Variants in PDILT observed in about 807,000 individuals in gnomAD.
PDILT encodes the protein protein disulfide isomerase like, testis expressed.
PDILT carries 43 observed loss-of-function variants against 53.7 expected under a neutral mutation model. That is an observed-to-expected ratio of 0.80 (90% confidence interval 0.63 to 1.03). The LOEUF is 1.03. PDILT is among the 50% of genes least tolerant of loss of function. The pLI is 0.00. For synonymous variants in PDILT, 282 were observed against 274.2 expected, an observed-to-expected ratio of 1.03 and a Z score of -0.28; for missense variants, 727 against 712.3, an observed-to-expected ratio of 1.02 and a Z score of -0.24.
chr16:20,402,290 A>ATCATTTCTTT (rs112422552), intron 1 of PDILT, among the ~76,000 whole-genome samples: 1 of 149,520 alleles, frequency 6.7e-6, no homozygotes, highest in Non-Finnish European at 1.5e-5. Flanking sequence ...AGGAGTGTTG[A>ATCATTTCTTT]TCTTTTCTTT....
At position 20,384,700 on chromosome 16, in the gene PDILT, G is replaced by A. The variant is rs150624587; in HGVS notation, c.354C>T (p.Ala118=). 7.4e-6 allele frequency: 12 copies of A among 1,614,052 alleles called. No individual in the cohort carries two copies. The highest frequency in any genetic ancestry group is 1.3e-5 in the African/African-American group (1 of 74,914). Residue 118 remains alanine (A), a synonymous_variant, in exon 3 of 12, where the codon GCC becomes GCT. Coordinates refer to ENST00000302451, the MANE Select transcript of PDILT (RefSeq NM_174924.2). ...CCTCAAAAAACAGCTTCAACTCCGG[G>A]GCCTTGGTAATCCCAAACTCCTGCT... ...ELQQEFGITK[A]PELKLFFEGN...
At chr16:20,359,884 T>C (rs921256636) in intron 11 of PDILT, among the ~76,000 whole-genome samples, 4 of 152,210 alleles carry the variant, frequency 2.6e-5, no homozygotes, top group Non-Finnish European at 5.9e-5. Context: ...TCTTAGCTAA[T>C]GAGATCTCTG....
intron 4 of PDILT, 21 bp from the exon 5 acceptor site, chr16:20,374,980 G>A (rs1966363718): frequency 6.3e-7 from 1 of 1,593,292 alleles, no homozygotes; most frequent in Non-Finnish European, 8.6e-7. Context: ...AAGGATGTTT[G>A]GAAAGGCTTT....
chr16:20,400,711 T>C (rs1009567560), intron 1 of PDILT, among the ~76,000 whole-genome samples: 1 of 152,152 alleles, frequency 6.6e-6, no homozygotes, highest in Non-Finnish European at 1.5e-5. Context: ...ATGACCAATG[T>C]TATTTTATTT....
At chr16:20,377,277 A>G (rs953134259) in intron 3 of PDILT, among the ~76,000 whole-genome samples, 1 of 152,238 alleles carries the variant, frequency 6.6e-6, no homozygotes, top group Non-Finnish European at 1.5e-5. Flanking sequence ...TGTCTCTAAA[A>G]TAAATAAATA....
chr16:20,373,195 A>G (rs1966332827), intron 5 of PDILT, 73 bp from the exon 6 acceptor site: 1 of 1,236,648 alleles, frequency 8.1e-7, no homozygotes, highest in African/African-American at 1.5e-5. Flanking sequence ...TATAAATAGC[A>G]CAATTTTCTC....
At chr16:20,380,842 C>G (rs1966451778) in intron 3 of PDILT, among the ~76,000 whole-genome samples, 1 of 152,208 alleles carries the variant, frequency 6.6e-6, no homozygotes, top group Non-Finnish European at 1.5e-5. Context: ...GGGCCATCTT[C>G]TTGGGGACGT....
intron 5 of PDILT, 68 bp downstream of exon 5, chr16:20,374,754 C>G: frequency 6.6e-7 from 1 of 1,517,726 alleles, no homozygotes. Flanking sequence ...GAATTTGTAC[C>G]CAAAGCTCAT....
Position 20,384,327 on chromosome 16 carries a change from C to T in PDILT, c.409+318G>A, listed in dbSNP as rs539452545. Among the ~76,000 whole-genome samples, 7 of 152,306 alleles carry T rather than the reference C, an allele frequency of 4.6e-5. 1 individual carries two copies. The South Asian group carries it at 8.3e-4, about 18-fold the overall frequency. On this transcript the variant is annotated intron_variant, in intron 3 of 11. Coordinates refer to ENST00000302451, the MANE Select transcript of PDILT (RefSeq NM_174924.2). ...AAAACAGAGCTGAACTGTATTTCTC[C>T]GCCTTTCTTGCAGCTGGTTCTGGCC...
At chr16:20,376,838 T>C (rs1966395259) in intron 3 of PDILT, among the ~76,000 whole-genome samples, 1 of 152,198 alleles carries the variant, frequency 6.6e-6, no homozygotes, top group South Asian at 2.1e-4. Context: ...ACATATACTA[T>C]ATCTGGGAAG....
In PDILT at chr16:20,400,065, TATATA is replaced by T. The variant is rs1269334270; in HGVS notation, c.-7-763_-7-759del. Among the ~76,000 whole-genome samples, 193 of 126,060 alleles carry T rather than the reference TATATA, an allele frequency of 1.5e-3. 2 individuals carry two copies. The highest frequency in any genetic ancestry group is 0.011 in the South Asian group (43 of 3,908). 82.7% of individuals were successfully genotyped at this position (126,060 alleles called of 152,430 possible). ...ATCTATCTATCTATCTATATATATA[TATATA>T]TATTTTTTGAGACGGAGTTTTGCTC... is the stretch of plus-strand genomic sequence containing the variant. On this transcript the variant is annotated intron_variant, in intron 1 of 11. Transcript: ENST00000302451.
intron 1 of PDILT, 111 bp downstream of exon 1, chr16:20,404,385 T>C (rs879624283): frequency 1.3e-5 from 2 of 152,186 alleles, no homozygotes; most frequent in Non-Finnish European, 2.9e-5. Flanking sequence ...TGTGTAGCCA[T>C]CTATACACCA....
At chr16:20,368,874 G>T (rs534473877) in intron 8 of PDILT, among the ~76,000 whole-genome samples, 1 of 152,024 alleles carries the variant, frequency 6.6e-6, no homozygotes, top group African/African-American at 2.4e-5. Context: ...ATGAACCACC[G>T]CACCTGGCCC....
At chr16:20,359,668 G>A (rs1966069070) in intron 11 of PDILT, 101 bp from the exon 12 acceptor site, 1 of 1,201,418 alleles carries the variant, frequency 8.3e-7, no homozygotes, top group East Asian at 2.4e-5. Flanking sequence ...TAATAGTCAA[G>A]CCTACTTTTT....
At chr16:20,368,793 G>T (rs1966257289) in intron 8 of PDILT, among the ~76,000 whole-genome samples, 1 of 151,966 alleles carries the variant, frequency 6.6e-6, no homozygotes, top group Admixed American at 6.6e-5. Flanking sequence ...ATGTGATCTT[G>T]GTATGGCCTC....
chr16:20,399,840 T>C, intron 1 of PDILT, among the ~76,000 whole-genome samples: 1 of 151,926 alleles, frequency 6.6e-6, no homozygotes. Context: ...ATTTAAAAAG[T>C]CATAACTATA....
chr16:20,362,114 C>T (rs1966111768), intron 10 of PDILT, among the ~76,000 whole-genome samples: 1 of 152,246 alleles, frequency 6.6e-6, no homozygotes, highest in Non-Finnish European at 1.5e-5. Context: ...AGCCCCAATG[C>T]TAGCAGGAAC....
Position 20,367,047 on chromosome 16 carries a change from CT to C in PDILT, c.1117-1508del, listed in dbSNP as rs1295875232. 2.8e-4 allele frequency among the ~76,000 whole-genome samples: 17 copies of C among 61,256 alleles called. 2 individuals are homozygous for C. The highest frequency in any genetic ancestry group is 7.3e-4 in the African/African-American group (10 of 13,618). The allele number at this position is 61,256 out of a possible 152,430, so 40.2% of individuals were successfully genotyped here. A position where few individuals can be genotyped will look rare whatever the true frequency, so the allele number is the denominator to read the frequency against. On this transcript the variant is annotated intron_variant, in intron 8 of 11. Coordinates refer to ENST00000302451, the MANE Select transcript of PDILT (RefSeq NM_174924.2). ...TTCTTCTTTCTTTCTTTCTTTCTTTCTTTCTTTCTTTCTTTCTTTCTTTCTT... is the reference window on the plus strand; with the variant it reads ...TTCTTCTTTCTTTCTTTCTTTCTTTCTTCTTTCTTTCTTTCTTTCTTTCTT...
intron 6 of PDILT, 21 bp from the exon 7 acceptor site, chr16:20,372,948 TG>T: frequency 6.2e-7 from 1 of 1,613,938 alleles, no homozygotes; most frequent in Non-Finnish European, 8.5e-7. Context: ...CAGGAAAATA[TG>T]TCATCCCAAG....
Sources: allele counts gnomAD v4.1 joint callset (sites outside exome capture counted in the v4.1 genomes callset), GRCh38; gene constraint gnomAD v4.1.1; transcripts MANE v1.5; gene names NCBI Gene and HGNC (gene_info 2026-07-23, HGNC 2026-07-21).